The following MAPK8 variants were observed in gnomAD, a reference collection of about 807,000 sequenced individuals.
MAPK8 encodes JUN N-terminal kinase.
In MAPK8, 13 loss-of-function variants were observed where a neutral mutation model predicts 52.9. The ratio of observed to expected loss-of-function variants is 0.25; its 90% CI spans 0.16 to 0.39. MAPK8 has a LOEUF of 0.39. Among genes scored for constraint, MAPK8 ranks in the 10% least tolerant of loss-of-function variants. The probability of loss-of-function intolerance (pLI) is 1.00; values close to 1 mark genes in which losing one functional copy is unlikely to be tolerated. For missense variants in MAPK8, 300 were observed against 519.2 expected (o/e 0.58, Z 4.10); for synonymous variants, 191 against 169.8 (o/e 1.12, Z -0.97).
chr10:48,403,917 T>TTGTGTGTGTGTGTGTGTGTGTGTG (rs71465463), intron 2 of MAPK8, among the ~76,000 whole-genome samples: 3 of 125,672 alleles, frequency 2.4e-5, no homozygotes, highest in African/African-American at 9.6e-5. Context: ...CCCGGCTAAT[T>TTGTGTGTGTGTGTGTGTGTGTGTG]TGTGTGTGTG....
In MAPK8 at chr10:48,426,419, T is replaced by C; in HGVS notation, c.911T>C (p.Ile304Thr). The C allele has an allele frequency of 6.2e-7, 1 of 1,611,316 alleles. No homozygotes were observed. The highest frequency in any genetic ancestry group is 8.5e-7 in the Non-Finnish European group (1 of 1,178,690). Reference sequence around the variant, plus strand: ...GATTTGTTATCCAAAATGCTGGTAATAGATGCATCTAAAAGGATCTCTGTA... The same window carrying C: ...GATTTGTTATCCAAAATGCTGGTAACAGATGCATCTAAAAGGATCTCTGTA... ...ARDLLSKMLV[I>T]DASKRISVDE... The change falls in exon 9 of 12, where the codon ATA (isoleucine) becomes ACA (threonine). Residue 304 changes from isoleucine to threonine, a missense_variant. Physicochemically the swap from Ile to Thr is moderately conservative, Grantham distance 89 (BLOSUM62 -1). Transcript: ENST00000374189.
At chr10:48,373,919 C>G (rs1270054621) in intron 1 of MAPK8, among the ~76,000 whole-genome samples, 1 of 152,120 alleles carries the variant, frequency 6.6e-6, no homozygotes, top group Non-Finnish European at 1.5e-5. Flanking sequence ...CTACAGAACT[C>G]TCCACCCCAA....
At chr10:48,329,508 C>CTT (rs35984344) in intron 1 of MAPK8, among the ~76,000 whole-genome samples, 8 of 150,016 alleles carry the variant, frequency 5.3e-5, no homozygotes, top group Non-Finnish European at 8.9e-5. Context: ...ATGAGGCCTC[C>CTT]TTTTTTTTTA....
chr10:48,342,855 C>T (rs1327618572), intron 1 of MAPK8, among the ~76,000 whole-genome samples: 2 of 152,080 alleles, frequency 1.3e-5, no homozygotes, highest in African/African-American at 4.8e-5. Context: ...GAGGAGAGAT[C>T]AGAATTGGAA....
chr10:48,353,110 G>A (rs1242102286), intron 1 of MAPK8, among the ~76,000 whole-genome samples: 1 of 152,078 alleles, frequency 6.6e-6, no homozygotes, highest in East Asian at 1.9e-4. Context: ...CCAAATGAAT[G>A]GAAAGACATA....
At chr10:48,413,828 T>TTCA (rs1249056635) in intron 5 of MAPK8, among the ~76,000 whole-genome samples, 2 of 88,146 alleles carry the variant, frequency 2.3e-5, no homozygotes, top group African/African-American at 4.2e-5. Flanking sequence ...TATATATATA[T>TTCA]ATATATATAT....
intron 1 of MAPK8, among the ~76,000 whole-genome samples, chr10:48,313,071 C>T (rs1320378530): frequency 6.6e-6 from 1 of 152,112 alleles, no homozygotes; most frequent in East Asian, 1.9e-4. Context: ...GCACATCTAC[C>T]GTGTTATCCA....
At chr10:48,354,750 C>CT (rs1846689340) in intron 1 of MAPK8, among the ~76,000 whole-genome samples, 2 of 151,886 alleles carry the variant, frequency 1.3e-5, no homozygotes, top group Non-Finnish European at 2.9e-5. Flanking sequence ...CCAGCTGACC[C>CT]TTGTATAATT....
At chr10:48,316,354 GGTATGTT>G (rs1422600590) in intron 1 of MAPK8, among the ~76,000 whole-genome samples, 3 of 152,304 alleles carry the variant, frequency 2.0e-5, no homozygotes, top group African/African-American at 7.2e-5. Flanking sequence ...TTATAGCTTA[GGTATGTT>G]GTACTATCTA....
chr10:48,374,977 T>G (rs926212075), intron 1 of MAPK8, among the ~76,000 whole-genome samples: 2 of 152,014 alleles, frequency 1.3e-5, no homozygotes, highest in Admixed American at 6.6e-5. Context: ...AACATTGATG[T>G]GAAAATCCTC....
intron 7 of MAPK8, 123 bp from the exon 8 acceptor site, chr10:48,425,765 T>C (rs1031623228): frequency 1.6e-5 from 9 of 550,344 alleles, no homozygotes; most frequent in South Asian, 3.5e-5. Context: ...CTGTGAGATA[T>C]AAAATTTATA....
intron 1 of MAPK8, among the ~76,000 whole-genome samples, chr10:48,329,589 A>C (rs1443900133): frequency 6.6e-6 from 1 of 152,216 alleles, no homozygotes; most frequent in Non-Finnish European, 1.5e-5. Context: ...AAGATCAAAG[A>C]ATAAGTGAAA....
intron 2 of MAPK8, 110 bp downstream of exon 2, chr10:48,401,892 T>A: frequency 1.1e-6 from 1 of 917,730 alleles, no homozygotes; most frequent in Non-Finnish European, 1.5e-6. Context: ...AAAATTAAAT[T>A]AAAACTAAAA....
intron 1 of MAPK8, among the ~76,000 whole-genome samples, chr10:48,378,486 T>C (rs2040803246): frequency 1.3e-5 from 2 of 152,110 alleles, no homozygotes; most frequent in Non-Finnish European, 2.9e-5. Flanking sequence ...TGAATTTACA[T>C]GTCAGAATGA....
At chr10:48,344,926 A>G (rs531473355) in intron 1 of MAPK8, among the ~76,000 whole-genome samples, 1 of 152,318 alleles carries the variant, frequency 6.6e-6, no homozygotes, top group African/African-American at 2.4e-5. Context: ...AGAGTCAGTA[A>G]ACAAAATCTA....
intron 1 of MAPK8, chr10:48,325,907 T>C (rs916227351): frequency 6.6e-6 from 1 of 152,340 alleles, no homozygotes; most frequent in African/African-American, 2.4e-5. Flanking sequence ...ACTGGCCTTA[T>C]GGGTTTCTAG....
intron 5 of MAPK8, among the ~76,000 whole-genome samples, chr10:48,418,584 A>G (rs1157147104): frequency 1.3e-5 from 2 of 152,214 alleles, no homozygotes; most frequent in Non-Finnish European, 2.9e-5. Context: ...CATCCCATGA[A>G]CTAGAACTAC....
chr10:48,359,634 T>G (rs1006554031), intron 1 of MAPK8, among the ~76,000 whole-genome samples: 1 of 152,216 alleles, frequency 6.6e-6, no homozygotes, highest in East Asian at 1.9e-4. Flanking sequence ...TTGAATACTT[T>G]CTATGTGACA....
In MAPK8 at chr10:48,435,183, A is replaced by G. The variant is rs1062225; in HGVS notation, c.*154A>G. 0.099 allele frequency: 55,187 copies of G among 559,926 alleles called. 3,441 individuals are homozygous for G. Among genetic ancestry groups the G allele is most frequent in the Non-Finnish European group, 0.12 (41,713 of 341,020 alleles). 34.7% of individuals were successfully genotyped at this position (559,926 alleles called of 1,614,324 possible). A position where few individuals can be genotyped will look rare whatever the true frequency, so the allele number is the denominator to read the frequency against. On this transcript the variant is annotated 3_prime_UTR_variant, in exon 12 of 12. Coordinates refer to ENST00000374189, the MANE Select transcript of MAPK8 (RefSeq NM_001323329.2). ...AAGTAGTTTATTTTTTTTAATTTCA[A>G]GTGATGTAATTTAAAACCTAAGTTG...
Sources: allele counts gnomAD v4.1 joint callset (sites outside exome capture counted in the v4.1 genomes callset), GRCh38; gene constraint gnomAD v4.1.1; transcripts MANE v1.5; gene names NCBI Gene and HGNC (gene_info 2026-07-23, HGNC 2026-07-21).